CPE: variants seen among roughly 807,000 people sequenced by gnomAD.
CPE encodes the protein carboxypeptidase E, also known as carbocypeptidase E.
A neutral mutation model predicts 53.5 loss-of-function variants in CPE; 17 were observed. The observed-to-expected ratio is 0.32, with a 90% confidence interval of 0.22 to 0.48. CPE has a LOEUF of 0.48. Among genes scored for constraint, CPE ranks in the 20% least tolerant of loss-of-function variants. The probability of loss-of-function intolerance (pLI) is 0.99; values close to 1 mark genes in which losing one functional copy is unlikely to be tolerated. For missense variants in CPE, 524 were observed against 614.7 expected, an observed-to-expected ratio of 0.85 and a Z score of 1.56; for synonymous variants, 226 against 228.8, an observed-to-expected ratio of 0.99 and a Z score of 0.11.
At position 165,381,196 on chromosome 4, in the gene CPE, A is replaced by C. The variant is rs561041244; in HGVS notation, c.307+1668A>C. The C allele has an allele frequency of 2.0e-5, 9 of 448,024 alleles. No individual in the cohort carries two copies. In the Admixed American group the frequency reaches 2.2e-4, roughly 11 times the overall value. 27.8% of individuals were successfully genotyped at this position (448,024 alleles called of 1,614,324 possible). On this transcript the variant is annotated intron_variant, in intron 1 of 8. Coordinates refer to ENST00000402744, the MANE Select transcript of CPE (RefSeq NM_001873.4). ...AGTGATATTACAGTTAGAATGTGAT[A>C]TGCTTTAGAAAATGAAAACAATGAT... is the stretch of plus-strand genomic sequence containing the variant.
At chr4:165,458,922 C>G (rs1731947216) in intron 1 of CPE, among the ~76,000 whole-genome samples, 1 of 152,118 alleles carries the variant, frequency 6.6e-6, no homozygotes, top group Non-Finnish European at 1.5e-5. Flanking sequence ...TTACTTTTGT[C>G]TTTTTATTTG....
rs1003248597 is a variant in CPE, at chr4:165,470,915, G to A, written c.672+3060G>A. ...TATCCAGCCAGGCTGGAGGGAGAAAGGGGTGGAATTAAGCCTCTGTCATGT... is the reference window on the plus strand; with the variant it reads ...TATCCAGCCAGGCTGGAGGGAGAAAAGGGTGGAATTAAGCCTCTGTCATGT... On this transcript the variant is annotated intron_variant, in intron 3 of 8. Coordinates refer to ENST00000402744, the MANE Select transcript of CPE (RefSeq NM_001873.4). 5.3e-5 allele frequency among the ~76,000 whole-genome samples: 8 copies of A among 152,194 alleles called. No individual in the cohort carries two copies. The East Asian group carries it at 1.6e-3, about 30-fold the overall frequency.
intron 1 of CPE, among the ~76,000 whole-genome samples, chr4:165,439,775 G>A (rs1304907454): frequency 2.0e-5 from 3 of 152,198 alleles, no homozygotes; most frequent in Non-Finnish European, 2.9e-5. Flanking sequence ...GATAGGGGCA[G>A]CAGACTGATT....
At chr4:165,403,828 T>A (rs1330388974) in intron 1 of CPE, among the ~76,000 whole-genome samples, 1 of 152,184 alleles carries the variant, frequency 6.6e-6, no homozygotes, top group Non-Finnish European at 1.5e-5. Flanking sequence ...CCTCAGGGCT[T>A]ATACAATGAG....
At chr4:165,388,115 G>A (rs1179877148) in intron 1 of CPE, among the ~76,000 whole-genome samples, 1 of 152,118 alleles carries the variant, frequency 6.6e-6, no homozygotes, top group African/African-American at 2.4e-5. Context: ...CCTTCACTAT[G>A]CAGCTGCTAG....
intron 1 of CPE, among the ~76,000 whole-genome samples, chr4:165,457,662 T>C (rs540804720): frequency 6.6e-6 from 1 of 152,342 alleles, no homozygotes; most frequent in African/African-American, 2.4e-5. Flanking sequence ...TGACTGCCCA[T>C]TAAAAATCAG....
At chr4:165,404,627 C>A in intron 1 of CPE, 1 of 1,138,984 alleles carries the variant, frequency 8.8e-7, no homozygotes. Context: ...AAGGCCAAGG[C>A]TTGTGGTCAG....
At chr4:165,429,960 C>A (rs1360549603) in intron 1 of CPE, among the ~76,000 whole-genome samples, 3 of 152,054 alleles carry the variant, frequency 2.0e-5, no homozygotes, top group Non-Finnish European at 4.4e-5. Context: ...ATGAGGCCAG[C>A]CCTAATCATG....
At chr4:165,456,556 T>C (rs933771491) in intron 1 of CPE, among the ~76,000 whole-genome samples, 1 of 149,598 alleles carries the variant, frequency 6.7e-6, no homozygotes, top group East Asian at 2.0e-4. Context: ...CTCTCTCTCT[T>C]TCTCTCTCTC....
At chr4:165,469,889 G>T (rs1265968259) in intron 3 of CPE, among the ~76,000 whole-genome samples, 1 of 152,200 alleles carries the variant, frequency 6.6e-6, no homozygotes, top group Non-Finnish European at 1.5e-5. Flanking sequence ...TCATCATGGG[G>T]TTGGGATGCT....
chr4:165,455,352 G>T (rs867539494), intron 1 of CPE, among the ~76,000 whole-genome samples: 2 of 152,260 alleles, frequency 1.3e-5, no homozygotes, highest in Middle Eastern at 3.4e-3. Flanking sequence ...ATTAGTGAAA[G>T]ACAGCAGAAT....
chr4:165,438,330 G>T lies in CPE; in HGVS notation c.308-26060G>T, dbSNP rs111640653. The stretch of plus-strand genomic sequence containing the variant: ...TTGTTTTGCAGCACGGGGCTTTCCT[G>T]GATATGAGTCCTCAGGTTAGGAAGG... On this transcript the variant is annotated intron_variant, in intron 1 of 8. Transcript: ENST00000402744. Among the ~76,000 whole-genome samples the T allele has an allele frequency of 7.2e-3, 1,098 of 152,216 alleles. 18 individuals carry two copies. The highest frequency in any genetic ancestry group is 0.026 in the African/African-American group (1,064 of 41,546).
Position 165,405,833 on chromosome 4 carries a change from A to G in CPE, c.307+26305A>G, listed in dbSNP as rs1380972809. The G allele has an allele frequency of 2.7e-5, 20 of 749,532 alleles. No homozygotes were observed. The Admixed American group carries it at 3.5e-4, about 13-fold the overall frequency. The allele number at this position is 749,532 out of a possible 1,614,324, so 46.4% of individuals were successfully genotyped here. A position where few individuals can be genotyped will look rare whatever the true frequency, so the allele number is the denominator to read the frequency against. The stretch of plus-strand genomic sequence containing the variant: ...CTTTGTGTGCCTCCTGCTCCTGGTA[A>G]GATCCCCAGCAAGACTTCAGGAGCA... On this transcript the variant is annotated intron_variant, in intron 1 of 8. Coordinates refer to ENST00000402744, the MANE Select transcript of CPE (RefSeq NM_001873.4).
chr4:165,429,798 A>G (rs1403642430), intron 1 of CPE, among the ~76,000 whole-genome samples: 1 of 152,208 alleles, frequency 6.6e-6, no homozygotes, highest in Admixed American at 6.5e-5. Context: ...AAACAATAAT[A>G]AGCAACCAAG....
chr4:165,381,165 T>A, intron 1 of CPE: 2 of 406,298 alleles, frequency 4.9e-6, no homozygotes, highest in South Asian at 3.5e-5. Flanking sequence ...GGAAATAAAA[T>A]TTTAAAGTGA....
intron 1 of CPE, among the ~76,000 whole-genome samples, chr4:165,389,327 T>A (rs1730644252): frequency 6.6e-6 from 1 of 152,234 alleles, no homozygotes; most frequent in South Asian, 2.1e-4. Context: ...ATCTATAAAA[T>A]AGCCCTTGTT....
chr4:165,482,997 G>GTT (rs200678968), intron 4 of CPE, among the ~76,000 whole-genome samples: 3 of 150,420 alleles, frequency 2.0e-5, no homozygotes, highest in African/African-American at 7.4e-5. Context: ...AGGATGATTA[G>GTT]TTTGTTTTTT....
At chr4:165,406,305 G>T in intron 1 of CPE, 1 of 574,748 alleles carries the variant, frequency 1.7e-6, no homozygotes, top group Non-Finnish European at 3.4e-6. Context: ...GATCCTGAAG[G>T]CAGAGAAGTG....
intron 1 of CPE, among the ~76,000 whole-genome samples, chr4:165,437,463 A>C (rs1029078761): frequency 2.6e-5 from 4 of 152,132 alleles, no homozygotes; most frequent in African/African-American, 9.7e-5. Context: ...AGGGAATGGA[A>C]GTTGAAAGGG....
Sources: allele counts gnomAD v4.1 joint callset (sites outside exome capture counted in the v4.1 genomes callset), GRCh38; gene constraint gnomAD v4.1.1; transcripts MANE v1.5; gene names NCBI Gene and HGNC (gene_info 2026-07-23, HGNC 2026-07-21).